Variants in FBRSL1 observed in about 807,000 individuals in gnomAD.
FBRSL1 encodes fibrosin-1-like protein.
FBRSL1 carries 51 observed loss-of-function variants against 89.6 expected under a neutral mutation model. That is an observed-to-expected ratio of 0.57 (90% CI 0.45 to 0.72). The LOEUF (loss-of-function observed/expected upper bound fraction) is 0.72. Ranked by LOEUF, FBRSL1 falls within the 30% of genes least tolerant of loss-of-function variation. The pLI is 0.00. For synonymous variants in FBRSL1, 779 were observed against 681.1 expected (o/e 1.14, Z -2.24); for missense variants, 1,618 against 1,451.8 (o/e 1.11, Z -1.86).
intron 8 of FBRSL1, among the ~76,000 whole-genome samples, 167 bp from the exon 9 acceptor site, chr12:132,570,901 C>T (rs1009768973): frequency 3.9e-5 from 6 of 152,206 alleles, no homozygotes; most frequent in African/African-American, 1.2e-4. Context: ...GAACCCCGAC[C>T]GCGAAGGCTT....
chr12:132,575,074 G>A (rs2040294493), intron 14 of FBRSL1, among the ~76,000 whole-genome samples: 1 of 152,080 alleles, frequency 6.6e-6, no homozygotes, highest in Non-Finnish European at 1.5e-5. Context: ...GGTCCTGGGA[G>A]GCCAGGACAG....
chr12:132,581,940 C>T (rs959113316), intron 17 of FBRSL1, 116 bp downstream of exon 17: 5 of 1,284,822 alleles, frequency 3.9e-6, no homozygotes, highest in East Asian at 2.5e-5. Flanking sequence ...GGCTGGGCCT[C>T]CTTGGGGCAC....
At chr12:132,555,196 C>T (rs184735063) in intron 5 of FBRSL1, among the ~76,000 whole-genome samples, 4 of 152,296 alleles carry the variant, frequency 2.6e-5, no homozygotes, top group Admixed American at 6.5e-5. Flanking sequence ...TAATATTTCA[C>T]GAACGTTAAA....
chr12:132,508,266 G>T lies in FBRSL1; in HGVS notation c.405G>T (p.Arg135=). 1 of 1,550,628 alleles carries T rather than the reference G, an allele frequency of 6.4e-7. No homozygotes were observed. Residue 135 remains arginine, a synonymous_variant, in exon 2 of 19, where the codon CGG becomes CGT. Transcript: ENST00000680143. ...CPPAEPSENR[R]PLEAGSPGQD... is the part of the protein sequence containing the mutation. ...CTGCGGAGCCCAGTGAGAACAGGCG[G>T]CCCCTGGAGGCAGGCAGCCCCGGGC...
intron 1 of FBRSL1, among the ~76,000 whole-genome samples, chr12:132,505,729 G>A (rs371234791): frequency 3.8e-4 from 58 of 152,356 alleles, no homozygotes; most frequent in African/African-American, 1.1e-3. Context: ...GTGCTGTGGC[G>A]TTGCTGTGGG....
intron 5 of FBRSL1, among the ~76,000 whole-genome samples, chr12:132,549,369 C>T (rs1458406842): frequency 6.6e-6 from 1 of 152,150 alleles, no homozygotes; most frequent in Non-Finnish European, 1.5e-5. Flanking sequence ...CGGGACCCCG[C>T]GTGGCTCCGC....
chr12:132,495,855 C>G (rs1395448023), intron 1 of FBRSL1, among the ~76,000 whole-genome samples: 2 of 152,252 alleles, frequency 1.3e-5, no homozygotes, highest in Non-Finnish European at 2.9e-5. Flanking sequence ...ATGGCTGGAG[C>G]AGGGCTTGCA....
intron 2 of FBRSL1, among the ~76,000 whole-genome samples, chr12:132,520,109 C>T (rs1383754658): frequency 6.6e-6 from 1 of 150,748 alleles, no homozygotes; most frequent in African/African-American, 2.4e-5. Flanking sequence ...ACCCTCCTTG[C>T]ACACCTCCAG....
intron 2 of FBRSL1, chr12:132,510,070 G>A: frequency 8.1e-7 from 1 of 1,230,938 alleles, no homozygotes; most frequent in Non-Finnish European, 1.0e-6. Flanking sequence ...CTGGGCCCGG[G>A]ACGGCCGAGG....
intron 1 of FBRSL1, among the ~76,000 whole-genome samples, chr12:132,503,669 G>A (rs865887649): frequency 1.3e-5 from 2 of 152,220 alleles, no homozygotes; most frequent in African/African-American, 2.4e-5. Flanking sequence ...AGAGGATGTC[G>A]GGGCACAGGC....
chr12:132,490,667 T>C lies in FBRSL1; in HGVS notation c.97T>C (p.Ser33Pro). Residue 33 changes from serine to proline, a missense_variant, in exon 1 of 19, where the codon TCG (serine) becomes CCG (proline). Coordinates refer to ENST00000680143, the MANE Select transcript of FBRSL1 (RefSeq NM_001367871.1). ...AARDARAQSP[S>P]SGDEPEPSPG... is the part of the protein sequence containing the mutation. ...CCGCGACGCCCGCGCCCAGAGTCCG[T>C]CGTCGGGCGACGAGCCCGAGCCCAG... 2.0e-6 allele frequency: 2 copies of C among 996,424 alleles called. No homozygotes were observed. The highest frequency in any genetic ancestry group is 2.4e-6 in the Non-Finnish European group (2 of 834,752). The allele number at this position is 996,424 out of a possible 1,614,324, so 61.7% of individuals were successfully genotyped here.
chr12:132,529,604 T>A (rs1055147080), intron 4 of FBRSL1, among the ~76,000 whole-genome samples: 3 of 151,844 alleles, frequency 2.0e-5, no homozygotes, highest in African/African-American at 7.3e-5. Context: ...CACCCTGGGC[T>A]CTGCCACCCT....
chr12:132,528,406 C>T (rs947437525), intron 4 of FBRSL1, among the ~76,000 whole-genome samples: 2 of 152,144 alleles, frequency 1.3e-5, no homozygotes, highest in South Asian at 2.1e-4. Flanking sequence ...GGGAGGTGCC[C>T]ATGGTGTGAG....
chr12:132,528,133 C>G (rs1459718447), intron 4 of FBRSL1, 145 bp downstream of exon 4: 1 of 737,706 alleles, frequency 1.4e-6, no homozygotes, highest in African/African-American at 1.7e-5. Flanking sequence ...TGGTTCTGGC[C>G]TCAAACACCA....
intron 6 of FBRSL1, 71 bp from the exon 7 acceptor site, chr12:132,569,855 G>T (rs1222938693): frequency 8.2e-7 from 1 of 1,214,950 alleles, no homozygotes; most frequent in South Asian, 2.2e-5. Flanking sequence ...CACGTACCAG[G>T]GCTCCCTGGG....
chr12:132,549,781 G>T (rs796719272), intron 5 of FBRSL1, among the ~76,000 whole-genome samples: 17 of 152,328 alleles, frequency 1.1e-4, no homozygotes, highest in African/African-American at 3.6e-4. Context: ...CAAGGGTAAC[G>T]CCAGCCTCCG....
chr12:132,510,826 G>T (rs972487376), intron 2 of FBRSL1: 5 of 1,094,388 alleles, frequency 4.6e-6, no homozygotes, highest in Non-Finnish European at 5.5e-6. Context: ...CTTGCTGGGG[G>T]CCCCTCAGCG....
At chr12:132,575,314 G>A (rs575638012) in intron 14 of FBRSL1, among the ~76,000 whole-genome samples, 100 of 152,226 alleles carry the variant, frequency 6.6e-4, no homozygotes, top group African/African-American at 2.2e-3. Context: ...TGCAAGCTCC[G>A]CCTCCCGGGT....
chr12:132,540,739 T>G (rs2037188551), intron 4 of FBRSL1, among the ~76,000 whole-genome samples: 1 of 152,054 alleles, frequency 6.6e-6, no homozygotes. Context: ...CACTGCTCAC[T>G]GCACCTGCCT....
Sources: allele counts gnomAD v4.1 joint callset (sites outside exome capture counted in the v4.1 genomes callset), GRCh38; gene constraint gnomAD v4.1.1; transcripts MANE v1.5; gene names NCBI Gene and HGNC (gene_info 2026-07-23, HGNC 2026-07-21).